Variants in FOXN3 observed in about 807,000 individuals in gnomAD.
FOXN3 encodes the protein forkhead box N3, also known as forkhead box protein N3.
Under a neutral mutation model 38.4 loss-of-function variants are expected in FOXN3, and 7 were observed. That is an observed-to-expected ratio of 0.18 (90% CI 0.10 to 0.34). The LOEUF is 0.34. Among genes scored for constraint, FOXN3 ranks in the 10% least tolerant of loss-of-function variants. FOXN3 has a pLI of 1.00. For missense variants in FOXN3, 456 were observed against 613.4 expected (o/e 0.74, Z 2.71); for synonymous variants, 230 against 242.2 (o/e 0.95, Z 0.47).
chr14:89,348,664 T>G (rs1888847436), intron 3 of FOXN3, among the ~76,000 whole-genome samples: 1 of 152,092 alleles, frequency 6.6e-6, no homozygotes, highest in East Asian at 1.9e-4. Flanking sequence ...CTGGTTTTTT[T>G]TCCCCCCTCA....
intron 2 of FOXN3, among the ~76,000 whole-genome samples, chr14:89,352,309 C>T (rs1477623328): frequency 1.3e-5 from 2 of 152,176 alleles, no homozygotes; most frequent in East Asian, 3.8e-4. Context: ...CAGAATAGTT[C>T]AGGGGGAGCA....
At chr14:89,578,436 T>C (rs1253075308) in intron 1 of FOXN3, among the ~76,000 whole-genome samples, 4 of 152,062 alleles carry the variant, frequency 2.6e-5, no homozygotes, top group Non-Finnish European at 4.4e-5. Context: ...ACCGCGTACA[T>C]GCTAATAACT....
At chr14:89,473,276 G>A (rs376169536) in intron 1 of FOXN3, among the ~76,000 whole-genome samples, 7 of 151,906 alleles carry the variant, frequency 4.6e-5, no homozygotes, top group South Asian at 2.1e-4. Flanking sequence ...CTCCCGCCTC[G>A]GCCTCCCAAA....
At chr14:89,590,398 C>G (rs930578958) in intron 1 of FOXN3, among the ~76,000 whole-genome samples, 1 of 152,056 alleles carries the variant, frequency 6.6e-6, no homozygotes, top group Non-Finnish European at 1.5e-5. Flanking sequence ...GACAGATGAA[C>G]TCAGGCAGAA....
At chr14:89,523,381 C>T (rs1376491988) in intron 1 of FOXN3, among the ~76,000 whole-genome samples, 1 of 152,152 alleles carries the variant, frequency 6.6e-6, no homozygotes. Context: ...AAACACTACA[C>T]TGAACAACAG....
intron 1 of FOXN3, among the ~76,000 whole-genome samples, chr14:89,530,238 T>C (rs1322757946): frequency 6.6e-6 from 1 of 152,134 alleles, no homozygotes; most frequent in Non-Finnish European, 1.5e-5. Context: ...GCACCTGGCC[T>C]TGAGACCACG....
At chr14:89,203,436 T>C (rs1174883145) in intron 4 of FOXN3, among the ~76,000 whole-genome samples, 3 of 152,204 alleles carry the variant, frequency 2.0e-5, no homozygotes, top group Non-Finnish European at 4.4e-5. Context: ...CCCTCCCACA[T>C]AGACCAGCAA....
intron 2 of FOXN3, among the ~76,000 whole-genome samples, chr14:89,378,508 G>A (rs7148298): frequency 0.068 from 10,303 of 152,082 alleles, 701 homozygotes; most frequent in African/African-American, 0.18. Context: ...GAGCAGAAAC[G>A]TTTCAAATAT....
chr14:89,274,425 A>G (rs1430329136), intron 4 of FOXN3, among the ~76,000 whole-genome samples: 1 of 152,254 alleles, frequency 6.6e-6, no homozygotes, highest in African/African-American at 2.4e-5. Context: ...CGTATGGAGC[A>G]TTTGTGAGGT....
chr14:89,287,588 G>A (rs185991002), intron 3 of FOXN3, among the ~76,000 whole-genome samples: 54 of 148,286 alleles, frequency 3.6e-4, no homozygotes, highest in Middle Eastern at 6.8e-3. Context: ...AACTTGGCCC[G>A]TTTTTCCATT....
At chr14:89,170,260 T>G (rs1328582337) in intron 5 of FOXN3, among the ~76,000 whole-genome samples, 1 of 152,096 alleles carries the variant, frequency 6.6e-6, no homozygotes, top group Non-Finnish European at 1.5e-5. Context: ...CAAATCTACA[T>G]TGGAATGGGA....
At chr14:89,388,264 T>C (rs1454498905) in intron 2 of FOXN3, among the ~76,000 whole-genome samples, 1 of 152,160 alleles carries the variant, frequency 6.6e-6, no homozygotes, top group Non-Finnish European at 1.5e-5. Flanking sequence ...CTCACTTCCA[T>C]GGATGGCAGC....
intron 4 of FOXN3, among the ~76,000 whole-genome samples, chr14:89,211,490 C>T (rs1220258527): frequency 6.6e-6 from 1 of 152,174 alleles, no homozygotes; most frequent in Non-Finnish European, 1.5e-5. Context: ...TCTGGAGGAG[C>T]AAAGAGTCGC....
At chr14:89,310,753 G>A (rs1887515060) in intron 3 of FOXN3, among the ~76,000 whole-genome samples, 1 of 152,028 alleles carries the variant, frequency 6.6e-6, no homozygotes. Context: ...GGGCTGGACG[G>A]CCTATCAGCA....
chr14:89,400,931 C>G (rs1596253458), intron 2 of FOXN3, among the ~76,000 whole-genome samples: 1 of 152,108 alleles, frequency 6.6e-6, no homozygotes, highest in East Asian at 1.9e-4. Flanking sequence ...CTACTATTTA[C>G]CACTTGCCTC....
chr14:89,256,005 A>C (rs1325888925), intron 4 of FOXN3, among the ~76,000 whole-genome samples: 1 of 152,122 alleles, frequency 6.6e-6, no homozygotes, highest in Admixed American at 6.5e-5. Context: ...GTAAGTCTAG[A>C]GGGCAGGGTG....
In FOXN3 at chr14:89,411,849, TGAATAGAAA is replaced by T. The variant is rs927195293; in HGVS notation, c.543+76_543+84del. On this transcript the variant is annotated intron_variant, in intron 2 of 5. Transcript: ENST00000557258. Reference sequence around the variant, plus strand: ...ACTTACAACTGCTACTTCAATGTGGTGAATAGAAATTCATTTTTAATAGAGAAAAATTTT... The same window carrying T: ...ACTTACAACTGCTACTTCAATGTGGTTTCATTTTTAATAGAGAAAAATTTT... 4.4e-5 allele frequency: 38 copies of T among 873,410 alleles called. No individual in the cohort carries two copies. In the Admixed American group the frequency reaches 1.1e-3, roughly 26 times the overall value. 54.1% of individuals were successfully genotyped at this position (873,410 alleles called of 1,614,324 possible).
At chr14:89,289,131 G>A (rs1294857177) in intron 3 of FOXN3, among the ~76,000 whole-genome samples, 8 of 147,146 alleles carry the variant, frequency 5.4e-5, no homozygotes, top group African/African-American at 7.6e-5. Context: ...GCAGTGGGAC[G>A]AGATCATGCC....
At chr14:89,353,606 A>T (rs1026230253) in intron 2 of FOXN3, 1 of 152,210 alleles carries the variant, frequency 6.6e-6, no homozygotes, top group Non-Finnish European at 1.5e-5. Context: ...CTCCCTTGCT[A>T]GGGAAGCTAC....
Sources: allele counts gnomAD v4.1 joint callset (sites outside exome capture counted in the v4.1 genomes callset), GRCh38; gene constraint gnomAD v4.1.1; transcripts MANE v1.5; gene names NCBI Gene and HGNC (gene_info 2026-07-23, HGNC 2026-07-21).